The following CSMD1 variants were observed in gnomAD, a reference collection of about 807,000 sequenced individuals.
The protein encoded by CSMD1 is CUB and Sushi multiple domains 1.
CSMD1 carries 213 observed loss-of-function variants against 417.5 expected under a neutral mutation model. That is an observed-to-expected ratio of 0.51 (90% CI 0.46 to 0.57). CSMD1 has a LOEUF of 0.57. Among genes scored for constraint, CSMD1 ranks in the 20% least tolerant of loss-of-function variants. The pLI, the probability that CSMD1 is intolerant of heterozygous loss-of-function variation, is 0.00. For missense variants in CSMD1, 6,923 were observed against 4,529.7 expected, an observed-to-expected ratio of 1.53 and a Z score of -15.17; for synonymous variants, 2,862 against 1,736.8, an observed-to-expected ratio of 1.65 and a Z score of -16.11.
intron 12 of CSMD1, among the ~76,000 whole-genome samples, chr8:3,460,567 C>T (rs1816434660): frequency 6.6e-6 from 1 of 151,960 alleles, no homozygotes; most frequent in South Asian, 2.1e-4. Flanking sequence ...CAGAGGCCGC[C>T]TAGAGGGGAC....
Position 4,527,259 on chromosome 8 carries a change from C to CT in CSMD1, c.303-107195dup, listed in dbSNP as rs777350100. 5.1e-4 allele frequency among the ~76,000 whole-genome samples: 78 copies of CT among 152,142 alleles called. No homozygotes were observed. In the East Asian group the frequency reaches 0.014, roughly 28 times the overall value. On this transcript the variant is annotated intron_variant, in intron 2 of 69. Transcript: ENST00000635120. ...TACATCAAACATTAGCATTAGGAGT[C>CT]TTTTTTGTAGCATTTATATGATCAG...
chr8:4,513,863 C>G (rs1405244), intron 2 of CSMD1, among the ~76,000 whole-genome samples: 131,591 of 152,132 alleles, frequency 0.86, 57,726 homozygotes, highest in Non-Finnish European at 0.93. Flanking sequence ...ATTTTCCTCT[C>G]TAGGTCTGAT....
intron 5 of CSMD1, among the ~76,000 whole-genome samples, chr8:3,893,339 T>TATATATATATATATATATATATA (rs1807113679): frequency 1.2e-5 from 1 of 80,458 alleles, no homozygotes; most frequent in Non-Finnish European, 2.8e-5. Flanking sequence ...ATTCACAATT[T>TATATATATATATATATATATATA]TATATATATA....
rs7006874 is a variant in CSMD1, at chr8:3,403,783, G to C, written c.2266+2244C>G. ...TGTGACTAACTGTGCCCTATCATTA[G>C]TATCATATCTTTGAGCACCACATGT... On this transcript the variant is annotated intron_variant, in intron 15 of 69. Coordinates refer to ENST00000635120, the MANE Select transcript of CSMD1 (RefSeq NM_033225.6). Among the ~76,000 whole-genome samples, 387 of 152,244 alleles carry C rather than the reference G, an allele frequency of 2.5e-3. 2 individuals are homozygous for C. Among genetic ancestry groups the C allele is most frequent in the Middle Eastern group, 0.014 (4 of 294 alleles).
intron 49 of CSMD1, among the ~76,000 whole-genome samples, chr8:3,073,325 T>A (rs982098696): frequency 6.7e-4 from 99 of 147,706 alleles, no homozygotes; most frequent in African/African-American, 2.3e-3. Context: ...GAATTTTAAA[T>A]CAGCAAAAAA....
intron 10 of CSMD1, 80 bp from the exon 11 acceptor site, chr8:3,493,806 T>C: frequency 8.2e-7 from 1 of 1,220,274 alleles, no homozygotes; most frequent in Non-Finnish European, 1.2e-6. Flanking sequence ...AATATCTAGT[T>C]ATACTGTTAA....
At chr8:4,962,023 G>C (rs1037614462) in intron 1 of CSMD1, among the ~76,000 whole-genome samples, 11 of 151,670 alleles carry the variant, frequency 7.3e-5, no homozygotes, top group East Asian at 3.9e-4. Context: ...TCTGAGATTA[G>C]TAATAACTTT....
At chr8:4,205,764 G>T (rs1039836892) in intron 3 of CSMD1, among the ~76,000 whole-genome samples, 4 of 152,136 alleles carry the variant, frequency 2.6e-5, no homozygotes, top group African/African-American at 9.7e-5. Flanking sequence ...AGCTGTTTGG[G>T]CCATAGAAGA....
At chr8:4,186,834 G>GGA (rs35578856) in intron 3 of CSMD1, among the ~76,000 whole-genome samples, 2 of 145,080 alleles carry the variant, frequency 1.4e-5, no homozygotes, top group Non-Finnish European at 3.0e-5. Flanking sequence ...TAAAAATACA[G>GGA]AAAAAAAAAA....
At chr8:2,977,882 C>A (rs936700263) in intron 55 of CSMD1, among the ~76,000 whole-genome samples, 1 of 152,190 alleles carries the variant, frequency 6.6e-6, no homozygotes, top group Non-Finnish European at 1.5e-5. Context: ...GAGATACCAT[C>A]TCATGCCTGT....
intron 7 of CSMD1, among the ~76,000 whole-genome samples, chr8:3,640,248 G>C (rs1037124201): frequency 1.3e-5 from 2 of 152,092 alleles, no homozygotes; most frequent in African/African-American, 4.8e-5. Context: ...AATAAATAAA[G>C]ATCAAATAAA....
intron 30 of CSMD1, among the ~76,000 whole-genome samples, chr8:3,210,714 G>A (rs576948380): frequency 4.4e-4 from 66 of 149,430 alleles, no homozygotes; most frequent in Non-Finnish European, 6.2e-4. Flanking sequence ...TATATAAAGT[G>A]TATACATATA....
At chr8:2,998,478 G>T (rs895744478) in intron 53 of CSMD1, among the ~76,000 whole-genome samples, 54 of 152,080 alleles carry the variant, frequency 3.6e-4, no homozygotes, top group African/African-American at 1.3e-3. Flanking sequence ...AATACCAAAT[G>T]ATTTAAAAAC....
intron 5 of CSMD1, among the ~76,000 whole-genome samples, chr8:3,961,416 G>C (rs73178035): frequency 0.041 from 6,205 of 152,182 alleles, 181 homozygotes; most frequent in Non-Finnish European, 0.058. Context: ...TTTTCCCCAA[G>C]TGCCAAATAT....
At chr8:3,852,217 G>A (rs531692803) in intron 5 of CSMD1, among the ~76,000 whole-genome samples, 114 of 152,292 alleles carry the variant, frequency 7.5e-4, no homozygotes, top group African/African-American at 2.6e-3. Flanking sequence ...GACTGGGAAT[G>A]GAGGCGCAGG....
At chr8:3,154,981 T>C (rs1477096320) in intron 39 of CSMD1, among the ~76,000 whole-genome samples, 1 of 152,212 alleles carries the variant, frequency 6.6e-6, no homozygotes, top group Non-Finnish European at 1.5e-5. Context: ...ATGGGTCATG[T>C]GTGAGTTTTT....
At chr8:4,803,270 C>G (rs1270087846) in intron 1 of CSMD1, among the ~76,000 whole-genome samples, 2 of 152,062 alleles carry the variant, frequency 1.3e-5, no homozygotes, top group Non-Finnish European at 2.9e-5. Context: ...GAAATGTTAT[C>G]CAAACAGAAA....
At chr8:3,951,197 C>A (rs113550680) in intron 5 of CSMD1, among the ~76,000 whole-genome samples, 2 of 152,090 alleles carry the variant, frequency 1.3e-5, no homozygotes, top group Admixed American at 6.6e-5. Context: ...GAGACAAGAC[C>A]TGTATAGGTA....
intron 5 of CSMD1, among the ~76,000 whole-genome samples, chr8:3,845,876 C>G (rs78502904): frequency 0.026 from 3,987 of 151,406 alleles, 194 homozygotes; most frequent in African/African-American, 0.091. Flanking sequence ...AATGAAGACA[C>G]AAACACACAC....
Sources: allele counts gnomAD v4.1 joint callset (sites outside exome capture counted in the v4.1 genomes callset), GRCh38; gene constraint gnomAD v4.1.1; transcripts MANE v1.5; gene names NCBI Gene and HGNC (gene_info 2026-07-23, HGNC 2026-07-21).